Variants in PRRC2C observed in about 807,000 individuals in gnomAD.
PRRC2C encodes the protein protein PRRC2C.
Under a neutral mutation model 317.2 loss-of-function variants are expected in PRRC2C, and 72 were observed. The ratio of observed to expected loss-of-function variants is 0.23; its 90% confidence interval spans 0.19 to 0.28. The LOEUF (loss-of-function observed/expected upper bound fraction) is 0.28. Among genes scored for constraint, PRRC2C ranks in the 10% least tolerant of loss-of-function variants. PRRC2C has a pLI of 1.00. For synonymous variants in PRRC2C, 1,296 were observed against 1,205.9 expected (o/e 1.07, Z -1.55); for missense variants, 3,074 against 3,459.7 (o/e 0.89, Z 2.80).
intron 11 of PRRC2C, among the ~76,000 whole-genome samples, chr1:171,529,028 C>A (rs559934636): frequency 2.0e-5 from 3 of 152,190 alleles, no homozygotes; most frequent in Admixed American, 6.5e-5. Context: ...AACTCCTAGA[C>A]AAGATACCAC....
At position 171,515,796 on chromosome 1, in the gene PRRC2C, GA is replaced by G; in HGVS notation, c.471del (p.Glu158LysfsTer66). 6.2e-7 allele frequency: 1 copy of G among 1,610,780 alleles called. No homozygotes were observed. The highest frequency in any genetic ancestry group is 8.5e-7 in the Non-Finnish European group (1 of 1,178,198). ...FPSLQAAGDQ[E>X]KKEKETNDDN... ...CAGCCTGCAGGCAGCTGGGGATCAGGAAAAAAAAGAAAAGGAAACAAATGAT... is the reference window on the plus strand; with the variant it reads ...CAGCCTGCAGGCAGCTGGGGATCAGGAAAAAAAGAAAAGGAAACAAATGAT... On this transcript the variant is annotated frameshift_variant, in exon 5 of 35. Coordinates refer to ENST00000647382, the MANE Select transcript of PRRC2C (RefSeq NM_001387844.1). LOFTEE classifies it high-confidence loss of function.
chr1:171,512,024 A>C lies in PRRC2C; in HGVS notation c.-57-8A>C. On this transcript the variant is annotated splice_region_variant and splice_polypyrimidine_tract_variant and intron_variant, in intron 1 of 34. Coordinates refer to ENST00000647382, the MANE Select transcript of PRRC2C (RefSeq NM_001387844.1). ...ATCCTTATTTTTCTTTCTTATGTAC[A>C]TCTTAAGGACTGGGGTTTTAAGGGG... 1.2e-6 allele frequency: 1 copy of C among 810,242 alleles called. No homozygotes were observed. The highest frequency in any genetic ancestry group is 1.9e-6 in the Non-Finnish European group (1 of 522,246). The allele number at this position is 810,242 out of a possible 1,614,324, so 50.2% of individuals were successfully genotyped here. A position where few individuals can be genotyped will look rare whatever the true frequency, so the allele number is the denominator to read the frequency against.
At chr1:171,573,113 T>C (rs1057220046) in intron 24 of PRRC2C, among the ~76,000 whole-genome samples, 1 of 152,200 alleles carries the variant, frequency 6.6e-6, no homozygotes, top group Non-Finnish European at 1.5e-5. Context: ...AGAAAAAATA[T>C]TGATTATACA....
chr1:171,558,337 G>GCTT (rs1681847914), intron 19 of PRRC2C, among the ~76,000 whole-genome samples, 194 bp downstream of exon 19: 1 of 150,514 alleles, frequency 6.6e-6, no homozygotes, highest in Admixed American at 6.7e-5. Flanking sequence ...TATATTTTAT[G>GCTT]GAAATAATTT....
chr1:171,509,165 C>T (rs1670826989), intron 1 of PRRC2C, among the ~76,000 whole-genome samples: 1 of 152,124 alleles, frequency 6.6e-6, no homozygotes, highest in African/African-American at 2.4e-5. Context: ...GATTACAGGC[C>T]AAAGCCACCG....
intron 1 of PRRC2C, among the ~76,000 whole-genome samples, chr1:171,501,788 A>G (rs903464660): frequency 5.3e-5 from 8 of 152,222 alleles, no homozygotes; most frequent in Admixed American, 1.3e-4. Flanking sequence ...GCTGAAGGCA[A>G]ATGCTACTGA....
chr1:171,520,511 T>C (rs1237782801), intron 6 of PRRC2C, among the ~76,000 whole-genome samples: 1 of 152,206 alleles, frequency 6.6e-6, no homozygotes, highest in African/African-American at 2.4e-5. Flanking sequence ...TACTGTATAC[T>C]GAGAATTTAA....
At chr1:171,569,176 C>T (rs551861388) in intron 23 of PRRC2C, among the ~76,000 whole-genome samples, 1 of 152,102 alleles carries the variant, frequency 6.6e-6, no homozygotes, top group African/African-American at 2.4e-5. Context: ...TAAATATAGC[C>T]TTCTGTAATA....
intron 17 of PRRC2C, among the ~76,000 whole-genome samples, chr1:171,548,629 C>G (rs571182126): frequency 1.8e-4 from 28 of 152,136 alleles, no homozygotes; most frequent in Non-Finnish European, 3.5e-4. Flanking sequence ...AATTACATCA[C>G]CTGAGGTAAT....
chr1:171,493,432 G>A (rs138034920), intron 1 of PRRC2C, among the ~76,000 whole-genome samples: 2,720 of 152,286 alleles, frequency 0.018, 32 homozygotes, highest in Non-Finnish European at 0.026. Flanking sequence ...CTCAAGTTCA[G>A]GGTTGCAAAG....
chr1:171,497,718 C>G (rs1365859480), intron 1 of PRRC2C, among the ~76,000 whole-genome samples: 2 of 152,180 alleles, frequency 1.3e-5, no homozygotes, highest in African/African-American at 2.4e-5. Context: ...GTCCTCCCAC[C>G]TTCGCCTTTC....
intron 1 of PRRC2C, among the ~76,000 whole-genome samples, chr1:171,509,271 A>G (rs1670852425): frequency 6.6e-6 from 1 of 152,200 alleles, no homozygotes; most frequent in African/African-American, 2.4e-5. Flanking sequence ...CATGAAATAG[A>G]TGCCTCTGTT....
chr1:171,570,426 T>C (rs969272055), intron 23 of PRRC2C, among the ~76,000 whole-genome samples: 1 of 152,202 alleles, frequency 6.6e-6, no homozygotes, highest in Non-Finnish European at 1.5e-5. Flanking sequence ...CTTGAATGTC[T>C]TGAAGATTAA....
At chr1:171,489,956 G>A (rs780877508) in intron 1 of PRRC2C, among the ~76,000 whole-genome samples, 17 of 151,686 alleles carry the variant, frequency 1.1e-4, no homozygotes, top group African/African-American at 3.4e-4. Context: ...GTCTCACTCC[G>A]TTGCCCAGGC....
chr1:171,539,942 A>T (rs529278698), intron 15 of PRRC2C, 29 bp from the exon 16 acceptor site: 1 of 1,544,186 alleles, frequency 6.5e-7, no homozygotes, highest in East Asian at 2.2e-5. Flanking sequence ...TGCTTTGTTG[A>T]TTATACCTTT....
intron 34 of PRRC2C, chr1:171,591,312 C>T: frequency 1.2e-6 from 1 of 858,310 alleles, no homozygotes; most frequent in East Asian, 4.6e-5. Context: ...AAGCAGGTTC[C>T]CTAAATAAAA....
chr1:171,568,987 C>T (rs1165826402), intron 23 of PRRC2C, among the ~76,000 whole-genome samples: 4 of 152,168 alleles, frequency 2.6e-5, no homozygotes, highest in Non-Finnish European at 5.9e-5. Context: ...AAAGTCTGTA[C>T]AGTTCATCAT....
Position 171,566,635 on chromosome 1 carries a change from G to A in PRRC2C, c.6350G>A (p.Gly2117Asp), listed in dbSNP as rs776517938. Residue 2117 changes from glycine (G) to aspartate (D), a missense_variant, in exon 22 of 35, where the codon GGT becomes GAT. Coordinates refer to ENST00000647382, the MANE Select transcript of PRRC2C (RefSeq NM_001387844.1). ...SPVENKEHKPGPIGKERSLKN... is the reference protein window; with the variant it reads ...SPVENKEHKPDPIGKERSLKN... ...GTAGAAAACAAAGAACACAAACCTG[G>A]TCCCATTGGAAAGGAACGTTCATTA... 1.2e-6 allele frequency: 2 copies of A among 1,602,932 alleles called. No individual in the cohort carries two copies. Among genetic ancestry groups the A allele is most frequent in the South Asian group, 2.2e-5 (2 of 89,394 alleles).
chr1:171,569,121 T>TTTTG (rs1192455416), intron 23 of PRRC2C, among the ~76,000 whole-genome samples: 1 of 152,132 alleles, frequency 6.6e-6, no homozygotes, highest in Non-Finnish European at 1.5e-5. Context: ...ATGGTCCTTA[T>TTTTG]TTTGGAGAGA....
Sources: gnomAD v4.1 joint callset for allele counts (sites outside exome capture counted in the v4.1 genomes callset) on GRCh38, gnomAD v4.1.1 for gene constraint, MANE v1.5 for transcripts, NCBI Gene and HGNC (gene_info 2026-07-23, HGNC 2026-07-21) for gene names.